WDR72: variants seen among roughly 807,000 people sequenced by gnomAD.
WDR72 encodes the protein WD repeat domain 72, also known as WD repeat-containing protein 72.
Under a neutral mutation model 124.2 loss-of-function variants are expected in WDR72, and 120 were observed. That is an observed-to-expected ratio of 0.97 (90% CI 0.83 to 1.12). WDR72 has a LOEUF of 1.12. WDR72 is among the 50% of genes most tolerant of loss of function. The probability of loss-of-function intolerance (pLI) is 0.00; values close to 1 mark genes in which losing one functional copy is unlikely to be tolerated. For missense variants in WDR72, 1,387 were observed against 1,278.8 expected, an observed-to-expected ratio of 1.08 and a Z score of -1.29; for synonymous variants, 452 against 441.7, an observed-to-expected ratio of 1.02 and a Z score of -0.29.
chr15:53,743,932 G>A (rs559762281), intron 1 of WDR72, among the ~76,000 whole-genome samples: 12 of 149,292 alleles, frequency 8.0e-5, no homozygotes, highest in Middle Eastern at 3.5e-3. Context: ...CTGAGATCGC[G>A]CCACTGCAGC....
Position 53,610,023 on chromosome 15 carries a change from T to C in WDR72, c.2873-431A>G, listed in dbSNP as rs2013471815. On this transcript the variant is annotated intron_variant, in intron 16 of 19. Coordinates refer to ENST00000360509, the MANE Select transcript of WDR72 (RefSeq NM_182758.4). ...TTATACAAATTCTGAAATTCTACTC[T>C]GCCATGAATTAGTCTCTATCACATG... 2.0e-5 allele frequency among the ~76,000 whole-genome samples: 3 copies of C among 152,276 alleles called. No individual in the cohort carries two copies. The South Asian group carries it at 6.2e-4, about 32-fold the overall frequency.
At chr15:53,724,651 A>G (rs976088305) in intron 2 of WDR72, among the ~76,000 whole-genome samples, 1 of 152,158 alleles carries the variant, frequency 6.6e-6, no homozygotes, top group African/African-American at 2.4e-5. Context: ...CCATGATCCA[A>G]TCACCTCCCA....
chr15:53,603,833 T>C (rs2140349800), intron 17 of WDR72, among the ~76,000 whole-genome samples: 1 of 152,012 alleles, frequency 6.6e-6, no homozygotes, highest in African/African-American at 2.4e-5. Flanking sequence ...AAATCAGAGA[T>C]GACATAAACA....
intron 18 of WDR72, among the ~76,000 whole-genome samples, chr15:53,559,607 T>G (rs1894058381): frequency 6.6e-6 from 1 of 152,004 alleles, no homozygotes; most frequent in Non-Finnish European, 1.5e-5. Context: ...AAGAAGGTTT[T>G]GTGATCCTGA....
rs369568228 is a variant in WDR72 at position 53,701,559 on chromosome 15, T to TCTCTCTCTCTCTCTCACACA, written c.1569+574_1569+575insTGTGTGAGAGAGAGAGAGAG. Among the ~76,000 whole-genome samples the TCTCTCTCTCTCTCTCACACA allele has an allele frequency of 7.7e-4, 92 of 120,150 alleles. No individual in the cohort carries two copies. The East Asian group carries it at 0.011, about 15-fold the overall frequency. The allele number at this position is 120,150 out of a possible 152,430, so 78.8% of individuals were successfully genotyped here. ...CTGTCTCTCTCTCTCTCTCTCTCTC[T>TCTCTCTCTCTCTCTCACACA]CACACACACACACACACACACACAC... On this transcript the variant is annotated intron_variant, in intron 12 of 19. Transcript: ENST00000360509.
intron 2 of WDR72, among the ~76,000 whole-genome samples, chr15:53,723,888 T>A (rs1371290037): frequency 6.6e-6 from 1 of 152,204 alleles, no homozygotes; most frequent in Non-Finnish European, 1.5e-5. Flanking sequence ...TTCCAAGTTT[T>A]CAATCCACAG....
At position 53,599,096 on chromosome 15, in the gene WDR72, C is replaced by T. The variant is rs1162246273; in HGVS notation, c.2953-1822G>A. Among the ~76,000 whole-genome samples the T allele has an allele frequency of 2.6e-5, 4 of 151,936 alleles. No individual in the cohort carries two copies. The East Asian group carries it at 7.8e-4, about 30-fold the overall frequency. On this transcript the variant is annotated intron_variant, in intron 17 of 19. Transcript: ENST00000360509. ...CCCAGATTGCACCCCTGCACTCCGG[C>T]CTGGATGACAAATATGGTATATATA...
intron 14 of WDR72, among the ~76,000 whole-genome samples, chr15:53,663,954 A>G (rs2015692829): frequency 6.9e-6 from 1 of 145,700 alleles, no homozygotes; most frequent in Non-Finnish European, 1.5e-5. Flanking sequence ...TTAAAAACCT[A>G]AAGACAATGG....
At chr15:53,647,979 A>T (rs956413830) in intron 14 of WDR72, among the ~76,000 whole-genome samples, 1 of 152,082 alleles carries the variant, frequency 6.6e-6, no homozygotes, top group East Asian at 1.9e-4. Flanking sequence ...CACTACATGA[A>T]ATGTGATTTC....
chr15:53,581,356 T>C (rs963033411), intron 18 of WDR72, among the ~76,000 whole-genome samples: 1 of 152,076 alleles, frequency 6.6e-6, no homozygotes, highest in Non-Finnish European at 1.5e-5. Context: ...TAATTTCAAA[T>C]CTCATAATTC....
chr15:53,696,691 A>T (rs566346319), intron 13 of WDR72, among the ~76,000 whole-genome samples: 2 of 152,376 alleles, frequency 1.3e-5, no homozygotes, highest in East Asian at 3.9e-4. Context: ...AATCAAGTGC[A>T]GTAAACATGA....
At chr15:53,741,790 C>T (rs1156763468) in intron 1 of WDR72, among the ~76,000 whole-genome samples, 2 of 151,584 alleles carry the variant, frequency 1.3e-5, no homozygotes, top group Non-Finnish European at 2.9e-5. Flanking sequence ...AGTGGTGGCA[C>T]GATCTCTGCT....
At chr15:53,557,709 G>A (rs62005910) in intron 18 of WDR72, among the ~76,000 whole-genome samples, 59 of 152,050 alleles carry the variant, frequency 3.9e-4, no homozygotes, top group African/African-American at 1.4e-3. Context: ...GTTAAATGAA[G>A]GAGGTGTTCC....
At chr15:53,589,140 C>T (rs1345963253) in intron 18 of WDR72, among the ~76,000 whole-genome samples, 1 of 151,846 alleles carries the variant, frequency 6.6e-6, no homozygotes, top group Non-Finnish European at 1.5e-5. Context: ...AGTGAGCAGT[C>T]AAGAGTGAAA....
In WDR72 at chr15:53,534,459, C is replaced by A. The variant is rs1245536383; in HGVS notation, c.3149-11137G>T. On this transcript the variant is annotated intron_variant, in intron 18 of 19. Transcript: ENST00000360509. ...TGATTTCCACTCCCTTTTCCTTATT[C>A]TCATAAATCATAAACTTAAATTTAC... Among the ~76,000 whole-genome samples, 3 of 152,112 alleles carry A rather than the reference C, an allele frequency of 2.0e-5. No individual in the cohort carries two copies. The South Asian group carries it at 6.2e-4, about 31-fold the overall frequency.
At chr15:53,692,289 A>G (rs2016869267) in intron 13 of WDR72, among the ~76,000 whole-genome samples, 1 of 152,240 alleles carries the variant, frequency 6.6e-6, no homozygotes, top group Admixed American at 6.5e-5. Context: ...ACCATATGTG[A>G]TAATTCTAGT....
intron 18 of WDR72, among the ~76,000 whole-genome samples, chr15:53,594,886 A>G (rs16966258): frequency 0.13 from 19,377 of 151,566 alleles, 1,793 homozygotes; most frequent in African/African-American, 0.26. Context: ...TCTTGTGAAT[A>G]GTTTTTTTAA....
At chr15:53,705,330 A>T in intron 10 of WDR72, 97 bp from the exon 11 acceptor site, 1 of 1,122,502 alleles carries the variant, frequency 8.9e-7, no homozygotes, top group Non-Finnish European at 1.3e-6. Context: ...ATATGAATAC[A>T]GTGTTACAGC....
intron 1 of WDR72, among the ~76,000 whole-genome samples, chr15:53,756,375 T>C (rs772668229): frequency 6.6e-6 from 1 of 152,200 alleles, no homozygotes; most frequent in African/African-American, 2.4e-5. Context: ...TAAACCTCTT[T>C]TCTTTATAAA....
Sources: gnomAD v4.1 joint callset for allele counts (sites outside exome capture counted in the v4.1 genomes callset) on GRCh38, gnomAD v4.1.1 for gene constraint, MANE v1.5 for transcripts, NCBI Gene and HGNC (gene_info 2026-07-23, HGNC 2026-07-21) for gene names.